The following TNP2 variants were observed in gnomAD, a reference collection of about 807,000 sequenced individuals.
The protein encoded by TNP2 is nuclear transition protein 2.
A neutral mutation model predicts 8.5 loss-of-function variants in TNP2; 10 were observed. That is an observed-to-expected ratio of 1.17 (90% confidence interval 0.72 to 1.99). The LOEUF is 1.99. Among genes scored for constraint, TNP2 ranks in the 30% most tolerant of loss-of-function variants. The pLI is 0.00. For missense variants in TNP2, 222 were observed against 181.2 expected (o/e 1.23, Z -1.29); for synonymous variants, 80 against 62.3 (o/e 1.28, Z -1.34).
intron 1 of TNP2, 182 bp downstream of exon 1, chr16:11,268,681 A>T: frequency 1.7e-6 from 1 of 605,522 alleles, no homozygotes; most frequent in Non-Finnish European, 2.7e-6. Flanking sequence ...CCAATTTCAA[A>T]GAGACTTTCC....
In TNP2 at chr16:11,269,183, G is replaced by T; in HGVS notation, c.80C>A (p.Thr27Asn). The change falls in exon 1 of 2, where the codon ACC becomes AAC. Residue 27 changes from threonine (T) to asparagine (N), a missense_variant. Transcript: ENST00000312693. ...CTGGCTGAAGGTTTGGCAATGGCGG[G>T]TGCAGGTGCGGCTTTGGGGCTGAGA... ...SNSQPQSRTC[T>N]RHCQTFSQSC... 4 of 1,612,596 alleles carry T rather than the reference G, an allele frequency of 2.5e-6. No homozygotes were observed. In the South Asian group the frequency reaches 4.4e-5, roughly 18 times the overall value.
At position 11,268,039 on chromosome 16, in the gene TNP2, CT is replaced by C. The variant is rs1215462541; in HGVS notation, c.401-28del. On this transcript the variant is annotated intron_variant, in intron 1 of 1. Coordinates refer to ENST00000312693, the MANE Select transcript of TNP2 (RefSeq NM_005425.5). ...TAAGGGATAAGAGTGGGAAAGGAAC[CT>C]TTAATAGCTGAGCACTTCATGAAGT... 9 of 1,610,024 alleles carry C rather than the reference CT, an allele frequency of 5.6e-6. No homozygotes were observed. In the Admixed American group the frequency reaches 1.5e-4, roughly 27 times the overall value.
intron 1 of TNP2, chr16:11,268,480 A>G: frequency 2.8e-6 from 1 of 351,914 alleles, no homozygotes; most frequent in Non-Finnish European, 5.1e-6. Context: ...GCATTCATCC[A>G]TTTATCCATC....
At chr16:11,268,153 G>T in intron 1 of TNP2, 141 bp from the exon 2 acceptor site, 1 of 719,848 alleles carries the variant, frequency 1.4e-6, no homozygotes, top group Non-Finnish European at 2.3e-6. Flanking sequence ...ACTACCGTCA[G>T]TGTCCTTTTG....
Position 11,269,284 on chromosome 16 carries a change from C to T in TNP2, c.-22G>A. The T allele has an allele frequency of 6.3e-7, 1 of 1,586,016 alleles. No homozygotes were observed. Among genetic ancestry groups the T allele is most frequent in the Non-Finnish European group, 8.5e-7 (1 of 1,171,786 alleles). ...CCATAGGAGGCCACGTTTGGAGGGG[C>T]AGGGCCTCCTCCTCATCCTCTCCCA... On this transcript the variant is annotated 5_prime_UTR_variant, in exon 1 of 2. Coordinates refer to ENST00000312693, the MANE Select transcript of TNP2 (RefSeq NM_005425.5).
Position 11,268,874 on chromosome 16 carries a change from G to C in TNP2, c.389C>G (p.Thr130Arg). 1 of 1,584,850 alleles carries C rather than the reference G, an allele frequency of 6.3e-7. No homozygotes were observed. Among genetic ancestry groups the C allele is most frequent in the South Asian group, 1.2e-5 (1 of 86,496 alleles). Residue 130 changes from threonine to arginine, a missense_variant, in exon 1 of 2, where the codon ACG becomes AGG. Coordinates refer to ENST00000312693, the MANE Select transcript of TNP2 (RefSeq NM_005425.5). ...KRIQQVYKTK[T>R]RSSGWKSN ...TCCTTAAAGGGTACCTGAGCTCCGC[G>C]TCTTGGTTTTGTACACCTGCTGGAT...
rs772153483 is a variant in TNP2 at position 11,269,242 on chromosome 16, G to T, written c.21C>A (p.Ser7Arg). 1 of 1,603,204 alleles carries T rather than the reference G, an allele frequency of 6.2e-7. No individual in the cohort carries two copies. The highest frequency in any genetic ancestry group is 8.5e-7 in the Non-Finnish European group (1 of 1,179,674). The stretch of plus-strand genomic sequence containing the variant: ...GGAGCTGAGTGTGGGTGATAGGAAG[G>T]CTGTGAGTCTGGGTGTCCATAGGAG... Reference protein sequence around the residue: MDTQTHSLPITHTQLHS... With the variant: MDTQTHRLPITHTQLHS... Residue 7 changes from serine (S) to arginine (R), a missense_variant, in exon 1 of 2, where the codon AGC becomes AGA. Transcript: ENST00000312693.
chr16:11,268,098 C>G, intron 1 of TNP2, 86 bp from the exon 2 acceptor site: 2 of 1,279,238 alleles, frequency 1.6e-6, no homozygotes, highest in South Asian at 1.3e-5. Flanking sequence ...TAAGGTCTTA[C>G]AACTACTCAT....
intron 1 of TNP2, 75 bp downstream of exon 1, chr16:11,268,788 C>T (rs1035873765): frequency 6.9e-7 from 1 of 1,454,302 alleles, no homozygotes; most frequent in Non-Finnish European, 9.1e-7. Flanking sequence ...CTGCAGCCTT[C>T]CTCTCACTGC....
Position 11,269,149 on chromosome 16 carries a change from T to C in TNP2, c.114A>G (p.Arg38=), listed in dbSNP as rs779486323. The part of the protein sequence containing the change: ...RHCQTFSQSC[R]QSHRGSRSQS... Reference sequence around the variant, plus strand: ...GGCTCCGGCTGCCACGATGGCTCTGTCTGCAACTCTGGCTGAAGGTTTGGC... The same window carrying C: ...GGCTCCGGCTGCCACGATGGCTCTGCCTGCAACTCTGGCTGAAGGTTTGGC... Residue 38 remains arginine, a synonymous_variant, in exon 1 of 2, where the codon AGA becomes AGG. Coordinates refer to ENST00000312693, the MANE Select transcript of TNP2 (RefSeq NM_005425.5). 6.2e-7 allele frequency: 1 copy of C among 1,613,916 alleles called. No individual in the cohort carries two copies.
chr16:11,268,722 T>C, intron 1 of TNP2, 141 bp downstream of exon 1: 2 of 878,072 alleles, frequency 2.3e-6, no homozygotes, highest in Non-Finnish European at 3.3e-6. Context: ...GCTAGCCAAC[T>C]GCCATTGTTT....
chr16:11,269,298 C>T lies in TNP2; in HGVS notation c.-36G>A, dbSNP rs752229590. The T allele has an allele frequency of 5.7e-6, 9 of 1,570,538 alleles. No homozygotes were observed. In the East Asian group the frequency reaches 9.0e-5, roughly 16 times the overall value. ...GTTTGGAGGGGCAGGGCCTCCTCCTCATCCTCTCCCAGCAGGCCTAGCTTT... is the reference window on the plus strand; with the variant it reads ...GTTTGGAGGGGCAGGGCCTCCTCCTTATCCTCTCCCAGCAGGCCTAGCTTT... On this transcript the variant is annotated 5_prime_UTR_variant, in exon 1 of 2. An upstream start codon of the reference 5' UTR is lost. Transcript: ENST00000312693.
At chr16:11,268,801 C>G (rs965418822) in intron 1 of TNP2, 62 bp downstream of exon 1, 2 of 1,487,122 alleles carry the variant, frequency 1.3e-6, no homozygotes, top group African/African-American at 2.8e-5. Context: ...CTCACTGCCC[C>G]CAAGGTCTGC....
chr16:11,268,243 A>G (rs1352516229), intron 1 of TNP2: 3 of 496,462 alleles, frequency 6.0e-6, no homozygotes, highest in South Asian at 5.1e-5. Flanking sequence ...CATTCCATTC[A>G]TTTATTCAAC....
Position 11,269,288 on chromosome 16 carries a change from G to T in TNP2, c.-26C>A, listed in dbSNP as rs754475385. The T allele has an allele frequency of 6.3e-7, 1 of 1,583,022 alleles. No homozygotes were observed. Among genetic ancestry groups the T allele is most frequent in the Non-Finnish European group, 8.5e-7 (1 of 1,170,294 alleles). On this transcript the variant is annotated 5_prime_UTR_variant, in exon 1 of 2. Transcript: ENST00000312693. ...AGGAGGCCACGTTTGGAGGGGCAGG[G>T]CCTCCTCCTCATCCTCTCCCAGCAG...
chr16:11,268,289 C>G (rs912643823), intron 1 of TNP2: 2 of 405,312 alleles, frequency 4.9e-6, no homozygotes, highest in African/African-American at 4.0e-5. Context: ...GTCTAGATAT[C>G]TATTCTTCTC....
chr16:11,269,122 C>G lies in TNP2; in HGVS notation c.141G>C (p.Gln47His), dbSNP rs201198575. The G allele has an allele frequency of 8.2e-5, 132 of 1,613,956 alleles. No homozygotes were observed. The East Asian group carries it at 2.3e-3, about 28-fold the overall frequency. The change falls in exon 1 of 2, where the codon CAG becomes CAC. Residue 47 changes from glutamine to histidine, a missense_variant. Coordinates refer to ENST00000312693, the MANE Select transcript of TNP2 (RefSeq NM_005425.5). The stretch of plus-strand genomic sequence containing the variant: ...GGCTGGCCGGGCTCTGGCTGGAGCT[C>G]TGGCTCCGGCTGCCACGATGGCTCT... The part of the protein sequence containing the change: ...CRQSHRGSRS[Q>H]SSSQSPASHR...
In TNP2 at chr16:11,268,885, G is replaced by A. The variant is rs751166876; in HGVS notation, c.378C>T (p.Tyr126=). ...KKMAKRIQQV[Y]KTKTRSSGWK... The stretch of plus-strand genomic sequence containing the variant: ...TACCTGAGCTCCGCGTCTTGGTTTT[G>A]TACACCTGCTGGATCCTCTTGGCCA... Residue 126 remains tyrosine, a synonymous_variant, in exon 1 of 2, where the codon TAC becomes TAT. Coordinates refer to ENST00000312693, the MANE Select transcript of TNP2 (RefSeq NM_005425.5). 1.9e-5 allele frequency: 31 copies of A among 1,594,646 alleles called. No individual in the cohort carries two copies. The highest frequency in any genetic ancestry group is 2.4e-5 in the Non-Finnish European group (28 of 1,171,670).
At chr16:11,268,820 A>G (rs913322220) in intron 1 of TNP2, 43 bp downstream of exon 1, 6 of 1,509,596 alleles carry the variant, frequency 4.0e-6, no homozygotes, top group Non-Finnish European at 5.3e-6. Flanking sequence ...GCTCTCCATC[A>G]TCTGTGGGCT....
Sources: allele counts gnomAD v4.1 joint callset, GRCh38; gene constraint gnomAD v4.1.1; transcripts MANE v1.5; gene names NCBI Gene and HGNC (gene_info 2026-07-23, HGNC 2026-07-21).